Variants in RNF213 observed in about 807,000 individuals in gnomAD.
The protein encoded by RNF213 is E3 ubiquitin-protein ligase RNF213.
RNF213 carries 341 observed loss-of-function variants against 514.4 expected under a neutral mutation model. The observed-to-expected ratio is 0.66, with a 90% CI of 0.61 to 0.73. The LOEUF (loss-of-function observed/expected upper bound fraction) is 0.73. RNF213 is among the 30% of genes least tolerant of loss of function. RNF213 has a pLI of 0.00. For synonymous variants in RNF213, 2,655 were observed against 2,658.2 expected, an observed-to-expected ratio of 1.00 and a Z score of 0.04; for missense variants, 5,767 against 6,615.6, an observed-to-expected ratio of 0.87 and a Z score of 4.45.
intron 55 of RNF213, among the ~76,000 whole-genome samples, chr17:80,380,610 C>T (rs2079953912): frequency 6.6e-6 from 1 of 152,196 alleles, no homozygotes; most frequent in South Asian, 2.1e-4. Context: ...CCACACAGCG[C>T]AGCCACCTGA....
rs148818590 is a variant in RNF213, at chr17:80,347,071, G to A, written c.8736G>A (p.Glu2912=). 1.9e-6 allele frequency: 3 copies of A among 1,613,986 alleles called. No individual in the cohort carries two copies. Among genetic ancestry groups the A allele is most frequent in the East Asian group, 2.2e-5 (1 of 44,890 alleles). Residue 2912 remains glutamate, a synonymous_variant, in exon 29 of 68, where the codon GAG becomes GAA. Transcript: ENST00000582970. The surrounding 1 kb of genome is among the most constrained non-coding windows in gnomAD (Gnocchi z 7.2). ...RGSPNETELI[E]SAKGICSSDI... is the part of the protein sequence containing the mutation. ...GCCCCAACGAGACAGAGCTCATAGA[G>A]AGCGCCAAGGGCATCTGCTCCTCAG...
At chr17:80,381,375 C>T in intron 56 of RNF213, 172 bp from the exon 57 acceptor site, 2 of 717,624 alleles carry the variant, frequency 2.8e-6, no homozygotes, top group Non-Finnish European at 5.0e-6. Flanking sequence ...GAAAAGCCAG[C>T]AGCCGTTCCG....
rs1190802095 is a variant in RNF213 at position 80,397,175 on chromosome 17, T to C, written c.*3677T>C. On this transcript the variant is annotated 3_prime_UTR_variant, in exon 68 of 68. Transcript: ENST00000582970. ...CCAAGGGCTCCTTCACCCTGACCAC[T>C]CTGGAACCCAACAAAGCTGACACAC... is the stretch of plus-strand genomic sequence containing the variant. 6.6e-6 allele frequency: 1 copy of C among 152,282 alleles called. No homozygotes were observed. The highest frequency in any genetic ancestry group is 1.5e-5 in the Non-Finnish European group (1 of 68,142). 9.4% of individuals were successfully genotyped at this position (152,282 alleles called of 1,614,324 possible).
rs1485801314 is a variant in RNF213, at chr17:80,298,321, C to T, written c.2013C>T (p.Ser671=). Residue 671 remains serine, a splice_region_variant and synonymous_variant, in exon 11 of 68, where the codon AGC becomes AGT. Coordinates refer to ENST00000582970, the MANE Select transcript of RNF213 (RefSeq NM_001256071.3). ...DLSHILGIPQ[S]WRLYLVNLCQ... The stretch of plus-strand genomic sequence containing the variant: ...CTGCGGGATCTTTATTCCCTTCCAG[C>T]TGGCGGCTGTACCTGGTGAACCTGT... The T allele has an allele frequency of 5.6e-6, 9 of 1,613,998 alleles. No individual in the cohort carries two copies. Among genetic ancestry groups the T allele is most frequent in the African/African-American group, 1.3e-5 (1 of 74,944 alleles).
intron 25 of RNF213, among the ~76,000 whole-genome samples, 153 bp downstream of exon 25, chr17:80,338,150 T>C (rs1244271970): frequency 6.6e-6 from 1 of 152,102 alleles, no homozygotes; most frequent in Non-Finnish European, 1.5e-5. Flanking sequence ...AGTTGGCACA[T>C]TTGTAGGGTG....
chr17:80,366,579 T>C lies in RNF213; in HGVS notation c.11872-1169T>C, dbSNP rs190565503. On this transcript the variant is annotated intron_variant, in intron 42 of 67. Coordinates refer to ENST00000582970, the MANE Select transcript of RNF213 (RefSeq NM_001256071.3). Reference sequence around the variant, plus strand: ...GTCCTTTGCCCATTTTTGAATTGGGTTGTTGATTAACAAAGTTATTAGGAT... The same window carrying C: ...GTCCTTTGCCCATTTTTGAATTGGGCTGTTGATTAACAAAGTTATTAGGAT... 5.9e-5 allele frequency among the ~76,000 whole-genome samples: 9 copies of C among 152,282 alleles called. No homozygotes were observed. The East Asian group carries it at 1.3e-3, about 23-fold the overall frequency.
rs771534016 is a variant in RNF213, at chr17:80,288,358, T to A, written c.805T>A (p.Ser269Thr). ...CGAGCAACAGGCAGGGGCCTCAGCC[T>A]CTATGGTGAGTCATCCGGGAGAGAT... ...TTEQQAGASA[S>T]MAVDAVAEPA... is the part of the protein sequence containing the mutation. The change falls in exon 4 of 68, where the codon TCT (serine) becomes ACT (threonine). Residue 269 changes from serine (S) to threonine (T), a missense_variant. Transcript: ENST00000582970. The surrounding 1 kb of genome is among the most constrained non-coding windows in gnomAD (Gnocchi z 4.9). 6.2e-7 allele frequency: 1 copy of A among 1,612,120 alleles called. No individual in the cohort carries two copies. Among genetic ancestry groups the A allele is most frequent in the Non-Finnish European group, 8.5e-7 (1 of 1,179,936 alleles).
At chr17:80,273,613 CTTTTTTTTTT>C (rs56957242) in intron 3 of RNF213, among the ~76,000 whole-genome samples, 26 of 97,588 alleles carry the variant, frequency 2.7e-4, no homozygotes, top group African/African-American at 1.0e-3. Flanking sequence ...CCTCCACCGT[CTTTTTTTTTT>C]TTTTTTTTTT....
At chr17:80,292,579 C>T (rs2044770360) in intron 8 of RNF213, among the ~76,000 whole-genome samples, 1 of 151,998 alleles carries the variant, frequency 6.6e-6, no homozygotes, top group Non-Finnish European at 1.5e-5. Context: ...TGCTGGCTGT[C>T]ATCCTCAGCA....
intron 3 of RNF213, among the ~76,000 whole-genome samples, chr17:80,279,627 G>T (rs1206982753): frequency 6.6e-6 from 1 of 151,738 alleles, no homozygotes; most frequent in African/African-American, 2.4e-5. Context: ...ACCACGCCCG[G>T]CTACTTTTTT....
Position 80,347,999 on chromosome 17 carries a change from C to T in RNF213, c.9664C>T (p.His3222Tyr). The T allele has an allele frequency of 6.2e-7, 1 of 1,614,188 alleles. No homozygotes were observed. The highest frequency in any genetic ancestry group is 8.5e-7 in the Non-Finnish European group (1 of 1,180,026). The change falls in exon 29 of 68, where the codon CAC becomes TAC. Residue 3222 changes from histidine (H) to tyrosine (Y), a missense_variant. Physicochemically the swap from His to Tyr is moderately conservative, Grantham distance 83 (BLOSUM62 2). Coordinates refer to ENST00000582970, the MANE Select transcript of RNF213 (RefSeq NM_001256071.3). This position sits in a 1 kb window ranked among gnomAD's most constrained non-coding sequence, Gnocchi z 7.2. ...CCCCTCTGACGTCTTCATCGGCTAC[C>T]ACTCGGACGCCTGCGCGTCTGTGGT... is the stretch of plus-strand genomic sequence containing the variant. The part of the protein sequence containing the change: ...YSPSDVFIGY[H>Y]SDACASVVLQ...
intron 18 of RNF213, among the ~76,000 whole-genome samples, chr17:80,327,051 G>C (rs2046298563): frequency 6.6e-6 from 1 of 152,188 alleles, no homozygotes; most frequent in South Asian, 2.1e-4. Context: ...TCACATGGCT[G>C]TTTCTCTCTT....
intron 35 of RNF213, 31 bp from the exon 36 acceptor site, chr17:80,354,410 A>T: frequency 6.2e-7 from 1 of 1,614,172 alleles, no homozygotes; most frequent in South Asian, 1.1e-5. Flanking sequence ...AGCCACGGCC[A>T]TGCTGAACGT....
chr17:80,328,283 T>C (rs977591522), intron 19 of RNF213, 45 bp from the exon 20 acceptor site: 1 of 1,504,078 alleles, frequency 6.6e-7, no homozygotes, highest in African/African-American at 1.4e-5. Context: ...GAAAATGGCA[T>C]TTGTTGCTGT....
rs2145068264 is a variant in RNF213, at chr17:80,263,426, G to A, written c.-108-148G>A. On this transcript the variant is annotated intron_variant, in intron 1 of 67. Coordinates refer to ENST00000582970, the MANE Select transcript of RNF213 (RefSeq NM_001256071.3). The surrounding 1 kb of genome is among the most constrained non-coding windows in gnomAD (Gnocchi z 4.9). Reference sequence around the variant, plus strand: ...CAGCAGCAGGGATGGTTCTAGGCTGGCTGAATGAGGGACCAGGGCAGAGAC... The same window carrying A: ...CAGCAGCAGGGATGGTTCTAGGCTGACTGAATGAGGGACCAGGGCAGAGAC... The A allele has an allele frequency of 2.0e-6, 1 of 507,652 alleles. No individual in the cohort carries two copies. The highest frequency in any genetic ancestry group is 5.4e-4 in the Middle Eastern group (1 of 1,836). 31.4% of individuals were successfully genotyped at this position (507,652 alleles called of 1,614,324 possible).
chr17:80,336,033 G>A, intron 22 of RNF213, 128 bp from the exon 23 acceptor site: 2 of 724,946 alleles, frequency 2.8e-6, no homozygotes, highest in South Asian at 1.9e-5. Flanking sequence ...ACTGAAAGCA[G>A]AAAGTGGACA....
intron 8 of RNF213, among the ~76,000 whole-genome samples, chr17:80,293,380 T>G (rs2044810085): frequency 6.6e-6 from 1 of 152,124 alleles, no homozygotes; most frequent in South Asian, 2.1e-4. Flanking sequence ...TTTTACTAGC[T>G]AGAGAGTGTA....
Position 80,386,340 on chromosome 17 carries a change from G to A in RNF213, c.14630G>A (p.Gly4877Asp). 6.2e-7 allele frequency: 1 copy of A among 1,614,106 alleles called. No homozygotes were observed. The highest frequency in any genetic ancestry group is 8.5e-7 in the Non-Finnish European group (1 of 1,180,026). ...EILLPRRRGL[G>D]LCATALVSYL... The stretch of plus-strand genomic sequence containing the variant: ...CTCTTGCCACGCCGACGGGGCCTGG[G>A]CCTCTGTGCTACCGCTCTCGTCAGC... Residue 4877 changes from glycine to aspartate, a missense_variant, in exon 62 of 68, where the codon GGC (glycine) becomes GAC (aspartate). Transcript: ENST00000582970.
intron 3 of RNF213, among the ~76,000 whole-genome samples, chr17:80,285,387 C>A (rs1290270066): frequency 6.6e-6 from 1 of 152,348 alleles, no homozygotes; most frequent in African/African-American, 2.4e-5. Flanking sequence ...AGGTACCAGG[C>A]AGCTGGCCGG....
Sources: allele counts gnomAD v4.1 joint callset (sites outside exome capture counted in the v4.1 genomes callset), GRCh38; gene constraint gnomAD v4.1.1; non-coding constraint Gnocchi (gnomAD v3.1); transcripts MANE v1.5; gene names NCBI Gene and HGNC (gene_info 2026-07-23, HGNC 2026-07-21).